The following GATB variants were observed in gnomAD, a reference collection of about 807,000 sequenced individuals.
GATB encodes the protein glutamyl-tRNA amidotransferase subunit B, also known as glutamyl-tRNA(Gln) amidotransferase subunit B, mitochondrial.
GATB carries 39 observed loss-of-function variants against 62.3 expected under a neutral mutation model. The ratio of observed to expected loss-of-function variants is 0.63; its 90% CI spans 0.48 to 0.82. The LOEUF is 0.82. Among genes scored for constraint, GATB ranks in the 40% least tolerant of loss-of-function variants. The pLI, the probability that GATB is intolerant of heterozygous loss-of-function variation, is 0.00. For missense variants in GATB, 670 were observed against 684.0 expected (o/e 0.98, Z 0.23); for synonymous variants, 276 against 258.9 (o/e 1.07, Z -0.63).
At chr4:151,742,919 T>A (rs1409643807) in intron 2 of GATB, among the ~76,000 whole-genome samples, 1 of 151,974 alleles carries the variant, frequency 6.6e-6, no homozygotes, top group East Asian at 1.9e-4. Flanking sequence ...GACTATAAAA[T>A]AAGTAGCTGT....
At chr4:151,689,103 G>A (rs541914478) in intron 9 of GATB, among the ~76,000 whole-genome samples, 2 of 152,188 alleles carry the variant, frequency 1.3e-5, no homozygotes, top group Non-Finnish European at 2.9e-5. Context: ...CCATCCCTGA[G>A]CTGTGAACTG....
At chr4:151,703,790 G>T (rs1466024412) in intron 8 of GATB, 61 bp downstream of exon 8, 3 of 1,147,984 alleles carry the variant, frequency 2.6e-6, no homozygotes, top group Admixed American at 3.4e-5. Flanking sequence ...AACTTTAAAT[G>T]AACTTGAAAT....
intron 10 of GATB, among the ~76,000 whole-genome samples, chr4:151,684,962 A>G (rs1738214734): frequency 6.6e-6 from 1 of 152,198 alleles, no homozygotes; most frequent in African/African-American, 2.4e-5. Flanking sequence ...GAAGCCGATC[A>G]CAAGCCAGGC....
At chr4:151,757,533 C>T (rs1338837770) in intron 2 of GATB, among the ~76,000 whole-genome samples, 1 of 132,368 alleles carries the variant, frequency 7.6e-6, no homozygotes, top group South Asian at 2.4e-4. Context: ...AGTGCAGTGG[C>T]GCGATCTCAG....
At chr4:151,706,540 G>A (rs1262908959) in intron 6 of GATB, among the ~76,000 whole-genome samples, 1 of 152,174 alleles carries the variant, frequency 6.6e-6, no homozygotes, top group Non-Finnish European at 1.5e-5. Flanking sequence ...CATGGGCTAT[G>A]TCCCTTTCCG....
chr4:151,691,090 A>G (rs917707306), intron 9 of GATB, among the ~76,000 whole-genome samples: 1 of 152,234 alleles, frequency 6.6e-6, no homozygotes, highest in Non-Finnish European at 1.5e-5. Context: ...TCTGGTGAAC[A>G]TGTCAGTGCA....
At chr4:151,719,357 G>C (rs1049526510) in intron 3 of GATB, 68 bp downstream of exon 3, 5 of 1,125,788 alleles carry the variant, frequency 4.4e-6, no homozygotes, top group African/African-American at 3.1e-5. Flanking sequence ...CCCTTGCTCC[G>C]ACCCCCCACA....
intron 4 of GATB, 38 bp from the exon 5 acceptor site, chr4:151,716,169 T>TGCA (rs761423190): frequency 1.3e-6 from 2 of 1,582,700 alleles, no homozygotes; most frequent in Non-Finnish European, 1.7e-6. Flanking sequence ...ACTGCAGCTC[T>TGCA]CCAATTTCAC....
In GATB at chr4:151,742,598, A is replaced by T. The variant is rs544028005; in HGVS notation, c.327+16174T>A. ...ATGGGAGTCTGCCCTAAGAATTGATAGTCTGCTCTCAGACAGGCTTGGGGT... is the reference window on the plus strand; with the variant it reads ...ATGGGAGTCTGCCCTAAGAATTGATTGTCTGCTCTCAGACAGGCTTGGGGT... On this transcript the variant is annotated intron_variant, in intron 2 of 12. Coordinates refer to ENST00000263985, the MANE Select transcript of GATB (RefSeq NM_004564.3). 5.6e-4 allele frequency among the ~76,000 whole-genome samples: 85 copies of T among 152,312 alleles called. 1 individual carries two copies. Among genetic ancestry groups the T allele is most frequent in the African/African-American group, 2.0e-3 (82 of 41,576 alleles).
At chr4:151,673,166 C>A in intron 11 of GATB, 1 of 379,170 alleles carries the variant, frequency 2.6e-6, no homozygotes, top group Non-Finnish European at 4.8e-6. Context: ...CTGAAGTCTC[C>A]CTCAGCATAA....
At position 151,735,192 on chromosome 4, in the gene GATB, G is replaced by A. The variant is rs149112387; in HGVS notation, c.328-15654C>T. Among the ~76,000 whole-genome samples the A allele has an allele frequency of 4.9e-3, 699 of 143,074 alleles. 4 individuals are homozygous for A. Among genetic ancestry groups the A allele is most frequent in the Non-Finnish European group, 8.0e-3 (530 of 66,094 alleles). The allele number at this position is 143,074 out of a possible 152,430, so 93.9% of individuals were successfully genotyped here. ...TTCACAATCTATACATCTGACAAAG[G>A]ACTAATAACCAGAGTCTACAACAAA... On this transcript the variant is annotated intron_variant, in intron 2 of 12. Transcript: ENST00000263985.
chr4:151,688,594 T>C, intron 10 of GATB, 36 bp downstream of exon 10: 2 of 1,584,638 alleles, frequency 1.3e-6, no homozygotes, highest in Non-Finnish European at 1.7e-6. Context: ...ACAGAGCTCA[T>C]CACAAAGGAA....
intron 9 of GATB, among the ~76,000 whole-genome samples, chr4:151,697,245 G>A (rs1365269544): frequency 6.6e-6 from 1 of 152,162 alleles, no homozygotes; most frequent in African/African-American, 2.4e-5. Context: ...GTCCATCAAT[G>A]GATGACTGGA....
intron 2 of GATB, among the ~76,000 whole-genome samples, chr4:151,738,662 T>G (rs1168906829): frequency 6.6e-6 from 1 of 152,190 alleles, no homozygotes; most frequent in Non-Finnish European, 1.5e-5. Context: ...TCTGCACAGA[T>G]GTAAAAATGA....
chr4:151,721,896 C>T (rs1739039478), intron 2 of GATB: 1 of 411,952 alleles, frequency 2.4e-6, no homozygotes, highest in Admixed American at 4.3e-5. Flanking sequence ...CGCACGGGCA[C>T]TTCATAAACC....
chr4:151,734,179 T>G (rs1389093638), intron 2 of GATB, among the ~76,000 whole-genome samples: 1 of 152,106 alleles, frequency 6.6e-6, no homozygotes, highest in Non-Finnish European at 1.5e-5. Flanking sequence ...CGATATGATC[T>G]TTTACCTTGA....
chr4:151,717,602 C>A (rs1461714798), intron 3 of GATB, among the ~76,000 whole-genome samples: 1 of 152,120 alleles, frequency 6.6e-6, no homozygotes, highest in Non-Finnish European at 1.5e-5. Context: ...AGCTGCCCTC[C>A]CTGACCCAAC....
chr4:151,733,733 T>G (rs1349808145), intron 2 of GATB, among the ~76,000 whole-genome samples: 8 of 152,074 alleles, frequency 5.3e-5, no homozygotes, highest in African/African-American at 1.9e-4. Flanking sequence ...CTAACAAATA[T>G]AAAAAAGATA....
chr4:151,757,467 A>ATTTTTTTTTTTTTTTTTTTTTTTTTTT, intron 2 of GATB, among the ~76,000 whole-genome samples: 1 of 103,820 alleles, frequency 9.6e-6, no homozygotes, highest in Non-Finnish European at 1.8e-5. Context: ...CAGCTTCCAG[A>ATTTTTTTTTTTTTTTTTTTTTTTTTTT]TTTTTTTTTT....
Sources: gnomAD v4.1 joint callset for allele counts (sites outside exome capture counted in the v4.1 genomes callset) on GRCh38, gnomAD v4.1.1 for gene constraint, MANE v1.5 for transcripts, NCBI Gene and HGNC (gene_info 2026-07-23, HGNC 2026-07-21) for gene names.